Variants in ARNT2 observed in about 807,000 individuals in gnomAD.
The protein encoded by ARNT2 is ARNT protein 2.
ARNT2 carries 36 observed loss-of-function variants against 91.7 expected under a neutral mutation model. The observed-to-expected ratio is 0.39, with a 90% CI of 0.30 to 0.52. ARNT2 has a LOEUF of 0.52. ARNT2 is among the 20% of genes least tolerant of loss of function. The probability of loss-of-function intolerance (pLI) is 0.72; values close to 1 mark genes in which losing one functional copy is unlikely to be tolerated. For missense variants in ARNT2, 775 were observed against 939.3 expected (o/e 0.83, Z 2.29); for synonymous variants, 365 against 347.1 (o/e 1.05, Z -0.57).
intron 8 of ARNT2, among the ~76,000 whole-genome samples, chr15:80,538,969 C>G (rs557835362): frequency 4.5e-4 from 68 of 151,564 alleles, no homozygotes; most frequent in Non-Finnish European, 9.4e-4. Context: ...CAAAAGAAAG[C>G]TAATTCCTGG....
intron 8 of ARNT2, among the ~76,000 whole-genome samples, chr15:80,522,705 G>A (rs1429610560): frequency 1.3e-5 from 2 of 151,344 alleles, no homozygotes; most frequent in African/African-American, 4.9e-5. Context: ...TGTCATATAT[G>A]CAGTCTGTTG....
intron 1 of ARNT2, among the ~76,000 whole-genome samples, chr15:80,417,039 T>C (rs1016719065): frequency 7.9e-5 from 12 of 152,180 alleles, no homozygotes; most frequent in African/African-American, 2.9e-4. Flanking sequence ...ATTAACACTT[T>C]CCTAAACTAA....
chr15:80,420,198 C>T (rs1895842784), intron 1 of ARNT2, among the ~76,000 whole-genome samples: 1 of 144,510 alleles, frequency 6.9e-6, no homozygotes, highest in Admixed American at 7.0e-5. Flanking sequence ...ATTGACTATA[C>T]AGATGGTCCC....
At chr15:80,474,740 C>T (rs1013257069) in intron 4 of ARNT2, among the ~76,000 whole-genome samples, 2 of 152,128 alleles carry the variant, frequency 1.3e-5, no homozygotes, top group Non-Finnish European at 2.9e-5. Flanking sequence ...ATTGCTCTCC[C>T]ATCCCCCTAG....
intron 1 of ARNT2, among the ~76,000 whole-genome samples, chr15:80,412,310 T>A (rs1446336): frequency 0.37 from 55,605 of 152,094 alleles, 10,747 homozygotes; most frequent in Admixed American, 0.48. Context: ...AAAGCAGAGG[T>A]TGGAGCTCTT....
At chr15:80,558,333 C>CTT (rs56720700) in intron 11 of ARNT2, among the ~76,000 whole-genome samples, 70 of 103,320 alleles carry the variant, frequency 6.8e-4, no homozygotes, top group East Asian at 1.3e-3. Context: ...TACGTCTGTG[C>CTT]TTTTTTTTTT....
At chr15:80,515,607 G>A (rs1897420840) in intron 8 of ARNT2, among the ~76,000 whole-genome samples, 1 of 152,012 alleles carries the variant, frequency 6.6e-6, no homozygotes, top group Admixed American at 6.6e-5. Flanking sequence ...GACTGCTAAT[G>A]GATACAGTGT....
intron 1 of ARNT2, among the ~76,000 whole-genome samples, chr15:80,408,686 C>T (rs1005082493): frequency 3.9e-5 from 6 of 152,074 alleles, no homozygotes; most frequent in Non-Finnish European, 7.3e-5. Context: ...ACAGTTGAGC[C>T]CAATTTCTCT....
At chr15:80,554,909 G>A (rs1325520904) in intron 10 of ARNT2, 156 bp from the exon 11 acceptor site, 4 of 647,888 alleles carry the variant, frequency 6.2e-6, no homozygotes, top group African/African-American at 5.3e-5. Context: ...ACGGCTCCCA[G>A]GGAAATTTTG....
chr15:80,597,769 AT>A lies in ARNT2; in HGVS notation c.*4074del, dbSNP rs1171107999. 1 of 154,376 alleles carries A rather than the reference AT, an allele frequency of 6.5e-6. No individual in the cohort carries two copies. Among genetic ancestry groups the A allele is most frequent in the Non-Finnish European group, 1.4e-5 (1 of 69,190 alleles). The allele number at this position is 154,376 out of a possible 1,614,324, so 9.6% of individuals were successfully genotyped here. A position where few individuals can be genotyped will look rare whatever the true frequency, so the allele number is the denominator to read the frequency against. ...CAGTGGACAGTTTAAGTACTTAACC[AT>A]TTCTCTTTCTTCTTATGGATGTGAA... is the stretch of plus-strand genomic sequence containing the variant. On this transcript the variant is annotated 3_prime_UTR_variant, in exon 19 of 19. Transcript: ENST00000303329.
At chr15:80,473,377 C>T (rs1023289799) in intron 4 of ARNT2, among the ~76,000 whole-genome samples, 7 of 152,078 alleles carry the variant, frequency 4.6e-5, no homozygotes, top group Admixed American at 3.9e-4. Context: ...CCCATAAGAC[C>T]TCCCCACAGT....
chr15:80,490,769 A>G (rs1348063193), intron 5 of ARNT2, among the ~76,000 whole-genome samples: 1 of 152,264 alleles, frequency 6.6e-6, no homozygotes, highest in East Asian at 1.9e-4. Context: ...GATAGTTATC[A>G]GCACAAGTCA....
At chr15:80,508,493 C>G (rs1897302733) in intron 6 of ARNT2, among the ~76,000 whole-genome samples, 2 of 152,132 alleles carry the variant, frequency 1.3e-5, no homozygotes, top group Admixed American at 1.3e-4. Context: ...CTTCTCATTC[C>G]TAGATTTACA....
At chr15:80,473,593 T>A (rs1195678944) in intron 4 of ARNT2, among the ~76,000 whole-genome samples, 2 of 152,094 alleles carry the variant, frequency 1.3e-5, no homozygotes, top group Non-Finnish European at 2.9e-5. Context: ...AGCATCTAGG[T>A]GACGCAGAAC....
chr15:80,498,865 C>T (rs1266343153), intron 5 of ARNT2, among the ~76,000 whole-genome samples: 7 of 152,148 alleles, frequency 4.6e-5, no homozygotes, highest in East Asian at 1.9e-4. Context: ...CGGTGGGTGC[C>T]GTCTTATTTT....
At chr15:80,475,923 C>T (rs1595979189) in intron 5 of ARNT2, among the ~76,000 whole-genome samples, 2 of 152,190 alleles carry the variant, frequency 1.3e-5, no homozygotes, top group East Asian at 3.8e-4. Flanking sequence ...TCTACTCATA[C>T]ATGTTTCTAA....
chr15:80,409,850 A>T (rs553691829), intron 1 of ARNT2, among the ~76,000 whole-genome samples: 2 of 152,324 alleles, frequency 1.3e-5, no homozygotes, highest in East Asian at 1.9e-4. Flanking sequence ...GAGGAAGAGC[A>T]TTCCAGGCAC....
chr15:80,567,772 A>G (rs1769153996), intron 12 of ARNT2, among the ~76,000 whole-genome samples: 1 of 152,226 alleles, frequency 6.6e-6, no homozygotes, highest in African/African-American at 2.4e-5. Context: ...CAGTTACACC[A>G]GAAGCCTCAA....
chr15:80,592,597 G>T (rs988972522), intron 18 of ARNT2, among the ~76,000 whole-genome samples: 5 of 152,200 alleles, frequency 3.3e-5, no homozygotes, highest in African/African-American at 7.2e-5. Context: ...TCCTGCCGGG[G>T]TCAGCTGTGT....
Sources: gnomAD v4.1 joint callset for allele counts (sites outside exome capture counted in the v4.1 genomes callset) on GRCh38, gnomAD v4.1.1 for gene constraint, MANE v1.5 for transcripts, NCBI Gene and HGNC (gene_info 2026-07-23, HGNC 2026-07-21) for gene names.